The following GMDS variants were observed in gnomAD, a reference collection of about 807,000 sequenced individuals.
GMDS encodes GDP-mannose 4,6-dehydratase, also known as GDP-mannose 4,6 dehydratase.
In GMDS, 20 loss-of-function variants were observed where a neutral mutation model predicts 49.9. That is an observed-to-expected ratio of 0.40 (90% CI 0.28 to 0.58). GMDS has a LOEUF of 0.58. Ranked by LOEUF, GMDS falls within the 20% of genes least tolerant of loss-of-function variation. The probability of loss-of-function intolerance (pLI) is 0.42; values close to 1 mark genes in which losing one functional copy is unlikely to be tolerated. For missense variants in GMDS, 362 were observed against 481.4 expected (o/e 0.75, Z 2.32); for synonymous variants, 177 against 178.6 (o/e 0.99, Z 0.07).
chr6:1,837,324 C>T (rs889635149), intron 7 of GMDS, among the ~76,000 whole-genome samples: 2 of 151,954 alleles, frequency 1.3e-5, no homozygotes, highest in African/African-American at 4.8e-5. Flanking sequence ...AGGGACATAG[C>T]CGGTTCTTCA....
chr6:2,170,344 G>A (rs999291111), intron 1 of GMDS, among the ~76,000 whole-genome samples: 5 of 152,104 alleles, frequency 3.3e-5, no homozygotes, highest in African/African-American at 1.2e-4. Context: ...AGCACAATTA[G>A]GCCAGGTGTA....
chr6:1,897,632 T>C (rs1760270758), intron 7 of GMDS, among the ~76,000 whole-genome samples: 1 of 152,224 alleles, frequency 6.6e-6, no homozygotes, highest in South Asian at 2.1e-4. Flanking sequence ...GAATGTTCTT[T>C]ACCTCAAACA....
intron 9 of GMDS, among the ~76,000 whole-genome samples, chr6:1,661,920 T>C (rs563338484): frequency 3.4e-4 from 52 of 152,156 alleles, no homozygotes; most frequent in African/African-American, 1.2e-3. Flanking sequence ...GAGGCTATCA[T>C]CTGAGGGTCA....
chr6:2,078,874 C>T (rs1159197822), intron 4 of GMDS, among the ~76,000 whole-genome samples: 1 of 151,898 alleles, frequency 6.6e-6, no homozygotes, highest in African/African-American at 2.4e-5. Flanking sequence ...GAGTTCCCCA[C>T]TATTATTGTA....
intron 9 of GMDS, among the ~76,000 whole-genome samples, chr6:1,721,775 G>A (rs888634023): frequency 3.9e-5 from 6 of 152,042 alleles, no homozygotes; most frequent in South Asian, 2.1e-4. Context: ...ATAAGAAGAC[G>A]ACATATTTGT....
chr6:1,683,957 G>T (rs371636991), intron 9 of GMDS, among the ~76,000 whole-genome samples: 19 of 143,964 alleles, frequency 1.3e-4, no homozygotes, highest in South Asian at 2.2e-4. Flanking sequence ...TGAGGGTGGG[G>T]TTTGCCATCG....
chr6:1,837,947 G>A (rs1207796273), intron 7 of GMDS, among the ~76,000 whole-genome samples: 1 of 152,172 alleles, frequency 6.6e-6, no homozygotes, highest in African/African-American at 2.4e-5. Flanking sequence ...TGCCCACCAA[G>A]TGCTCTGAAA....
At chr6:2,057,505 G>C (rs1770849837) in intron 4 of GMDS, among the ~76,000 whole-genome samples, 1 of 152,056 alleles carries the variant, frequency 6.6e-6, no homozygotes, top group Admixed American at 6.6e-5. Flanking sequence ...CTGTAATGTT[G>C]AATTACTCAT....
intron 4 of GMDS, among the ~76,000 whole-genome samples, chr6:2,034,002 C>A (rs775943786): frequency 1.6e-4 from 25 of 152,092 alleles, no homozygotes; most frequent in Non-Finnish European, 2.8e-4. Flanking sequence ...GTTATGTCAT[C>A]CATTTCAATT....
chr6:1,741,150 T>C (rs1011418292), intron 8 of GMDS, among the ~76,000 whole-genome samples: 7 of 152,178 alleles, frequency 4.6e-5, no homozygotes, highest in African/African-American at 1.7e-4. Context: ...AGTTAGTGTA[T>C]CTCTATCAGC....
At chr6:2,176,505 A>T (rs1435638096) in intron 1 of GMDS, among the ~76,000 whole-genome samples, 2 of 152,146 alleles carry the variant, frequency 1.3e-5, no homozygotes, top group African/African-American at 4.8e-5. Flanking sequence ...AACTTGGAGG[A>T]AATTCGGGGT....
At chr6:2,215,222 T>C (rs999042289) in intron 1 of GMDS, among the ~76,000 whole-genome samples, 22 of 151,590 alleles carry the variant, frequency 1.5e-4, no homozygotes, top group Non-Finnish European at 3.2e-4. Flanking sequence ...AAGAGACACA[T>C]ACAGAGATAG....
intron 7 of GMDS, among the ~76,000 whole-genome samples, chr6:1,777,831 G>A (rs762260965): frequency 2.0e-5 from 3 of 152,090 alleles, no homozygotes; most frequent in Admixed American, 6.5e-5. Flanking sequence ...CATGAATAAC[G>A]AACCAGGGAA....
intron 4 of GMDS, among the ~76,000 whole-genome samples, chr6:1,991,033 C>G (rs896132452): frequency 6.6e-6 from 1 of 152,094 alleles, no homozygotes; most frequent in African/African-American, 2.4e-5. Flanking sequence ...TTTTAATTAG[C>G]TCCCTTTTGG....
chr6:1,891,450 G>A (rs1447530029), intron 7 of GMDS, among the ~76,000 whole-genome samples: 2 of 152,232 alleles, frequency 1.3e-5, no homozygotes, highest in African/African-American at 2.4e-5. Flanking sequence ...CCTAATCCCT[G>A]AACTTCCAGA....
intron 9 of GMDS, among the ~76,000 whole-genome samples, chr6:1,724,403 C>G (rs1041799664): frequency 6.6e-6 from 1 of 152,146 alleles, no homozygotes; most frequent in Non-Finnish European, 1.5e-5. Context: ...TCTTGTTAGT[C>G]TGAGGGTCCT....
chr6:2,034,173 A>T (rs1178509279), intron 4 of GMDS, among the ~76,000 whole-genome samples: 1 of 152,178 alleles, frequency 6.6e-6, no homozygotes, highest in African/African-American at 2.4e-5. Flanking sequence ...GGGGTCAGTA[A>T]ACTTCTTTAG....
At chr6:2,242,886 G>C (rs1446531817) in intron 1 of GMDS, among the ~76,000 whole-genome samples, 1 of 152,118 alleles carries the variant, frequency 6.6e-6, no homozygotes, top group Non-Finnish European at 1.5e-5. Context: ...CATACAATAA[G>C]GTATGGATTT....
At chr6:1,908,124 C>G (rs1204687310) in intron 7 of GMDS, among the ~76,000 whole-genome samples, 4 of 152,124 alleles carry the variant, frequency 2.6e-5, no homozygotes, top group Non-Finnish European at 5.9e-5. Context: ...ACCAAGGAGG[C>G]TACTAAGAGA....
Sources: allele counts gnomAD v4.1 joint callset (sites outside exome capture counted in the v4.1 genomes callset), GRCh38; gene constraint gnomAD v4.1.1; transcripts MANE v1.5; gene names NCBI Gene and HGNC (gene_info 2026-07-23, HGNC 2026-07-21).